The following MARCHF1 variants were observed in gnomAD, a reference collection of about 807,000 sequenced individuals.
The protein encoded by MARCHF1 is E3 ubiquitin-protein ligase MARCHF1.
In MARCHF1, 40 loss-of-function variants were observed where a neutral mutation model predicts 54.2. The observed-to-expected ratio is 0.74, with a 90% CI of 0.57 to 0.96. The LOEUF (loss-of-function observed/expected upper bound fraction) is 0.96. MARCHF1 is among the 40% of genes least tolerant of loss of function. MARCHF1 has a pLI of 0.00. For missense variants in MARCHF1, 586 were observed against 656.5 expected (o/e 0.89, Z 1.17); for synonymous variants, 236 against 236.3 (o/e 1.00, Z 0.01).
intron 4 of MARCHF1, among the ~76,000 whole-genome samples, chr4:163,845,028 AATCT>A (rs781249075): frequency 2.0e-4 from 31 of 152,136 alleles, no homozygotes; most frequent in Non-Finnish European, 2.9e-5. Context: ...CCACTTTTCT[AATCT>A]TTCTGGACCT....
At chr4:163,679,991 T>G (rs1025667540) in intron 5 of MARCHF1, among the ~76,000 whole-genome samples, 8 of 151,538 alleles carry the variant, frequency 5.3e-5, no homozygotes, top group Admixed American at 6.6e-5. Flanking sequence ...TTTTTTTTTT[T>G]TTTTCTTTTC....
At chr4:164,305,785 G>A (rs1008094423) in intron 1 of MARCHF1, among the ~76,000 whole-genome samples, 21 of 152,048 alleles carry the variant, frequency 1.4e-4, no homozygotes, top group Admixed American at 1.4e-3. Flanking sequence ...ATAAAGAAAT[G>A]ACAAATGTTC....
At chr4:163,792,145 T>A (rs765316020) in intron 4 of MARCHF1, among the ~76,000 whole-genome samples, 1 of 152,192 alleles carries the variant, frequency 6.6e-6, no homozygotes, top group Non-Finnish European at 1.5e-5. Context: ...CACCAAGGCC[T>A]TTAGATCAAC....
At chr4:164,367,123 C>A (rs928251765) in intron 1 of MARCHF1, among the ~76,000 whole-genome samples, 1 of 152,074 alleles carries the variant, frequency 6.6e-6, no homozygotes, top group African/African-American at 2.4e-5. Flanking sequence ...AAACCATTGC[C>A]ATACAAGTAT....
intron 4 of MARCHF1, among the ~76,000 whole-genome samples, chr4:163,811,539 C>A (rs1222699422): frequency 6.6e-6 from 1 of 151,590 alleles, no homozygotes; most frequent in African/African-American, 2.4e-5. Flanking sequence ...AAGAAAAAGA[C>A]CAAAATAGAG....
intron 8 of MARCHF1, among the ~76,000 whole-genome samples, chr4:163,568,013 A>G (rs946561712): frequency 2.0e-5 from 3 of 152,048 alleles, no homozygotes; most frequent in African/African-American, 7.2e-5. Flanking sequence ...CCATCTTTTT[A>G]TATAATGGTC....
At chr4:163,706,111 T>TA (rs1744941308) in intron 4 of MARCHF1, among the ~76,000 whole-genome samples, 1 of 152,090 alleles carries the variant, frequency 6.6e-6, no homozygotes, top group Non-Finnish European at 1.5e-5. Context: ...CCTTTGGTTA[T>TA]AGGTTGCCTA....
chr4:164,028,987 G>T (rs550634895), intron 2 of MARCHF1, among the ~76,000 whole-genome samples: 17 of 152,220 alleles, frequency 1.1e-4, no homozygotes, highest in East Asian at 5.8e-4. Flanking sequence ...TATATTTATT[G>T]TTGCTTAAAT....
At chr4:163,922,562 C>T (rs1253062220) in intron 3 of MARCHF1, among the ~76,000 whole-genome samples, 1 of 152,148 alleles carries the variant, frequency 6.6e-6, no homozygotes, top group Non-Finnish European at 1.5e-5. Flanking sequence ...ATCTGTTACT[C>T]ACATACAGCT....
intron 5 of MARCHF1, among the ~76,000 whole-genome samples, chr4:163,644,409 T>C (rs1330974577): frequency 2.0e-5 from 3 of 152,142 alleles, no homozygotes; most frequent in East Asian, 1.9e-4. Context: ...TCAATCTTGA[T>C]TGTGGACAAC....
chr4:164,335,346 G>T (rs1257343899), intron 1 of MARCHF1, among the ~76,000 whole-genome samples: 2 of 152,154 alleles, frequency 1.3e-5, no homozygotes, highest in Non-Finnish European at 2.9e-5. Flanking sequence ...ACTTTGGGAG[G>T]CTGAGGTGGG....
At chr4:163,966,769 G>A (rs764230120) in intron 3 of MARCHF1, among the ~76,000 whole-genome samples, 4 of 152,076 alleles carry the variant, frequency 2.6e-5, no homozygotes, top group African/African-American at 7.2e-5. Context: ...ACAGCTCTCC[G>A]GTAGCACAGC....
chr4:164,023,089 C>T (rs1753697621), intron 2 of MARCHF1, among the ~76,000 whole-genome samples: 1 of 151,806 alleles, frequency 6.6e-6, no homozygotes, highest in Non-Finnish European at 1.5e-5. Context: ...GGGAAAAAGG[C>T]CCCGCTCTCA....
At chr4:164,235,209 C>T (rs1244571080) in intron 1 of MARCHF1, among the ~76,000 whole-genome samples, 2 of 152,060 alleles carry the variant, frequency 1.3e-5, no homozygotes, top group Non-Finnish European at 2.9e-5. Flanking sequence ...TGTAGTTACA[C>T]ACAAGGACTA....
chr4:163,783,436 C>G (rs1206205702), intron 4 of MARCHF1, among the ~76,000 whole-genome samples: 1 of 152,144 alleles, frequency 6.6e-6, no homozygotes, highest in Admixed American at 6.5e-5. Context: ...CTTCCAGAAC[C>G]ATACCACAAA....
intron 4 of MARCHF1, among the ~76,000 whole-genome samples, chr4:163,776,364 A>G (rs1458336763): frequency 6.6e-6 from 1 of 150,762 alleles, no homozygotes; most frequent in East Asian, 1.9e-4. Flanking sequence ...TTCTCTCTAT[A>G]TATAATTTAA....
intron 5 of MARCHF1, among the ~76,000 whole-genome samples, chr4:163,616,942 A>C (rs1409216518): frequency 1.3e-5 from 2 of 152,146 alleles, no homozygotes; most frequent in Admixed American, 6.6e-5. Flanking sequence ...CCAGTTCGTC[A>C]AAGAGATATG....
intron 4 of MARCHF1, among the ~76,000 whole-genome samples, chr4:163,703,931 T>C (rs1291728387): frequency 1.3e-5 from 2 of 152,018 alleles, no homozygotes; most frequent in Non-Finnish European, 2.9e-5. Context: ...TTACCAAGTT[T>C]TGTTTTAACG....
At chr4:163,837,409 A>G (rs1749218732) in intron 4 of MARCHF1, among the ~76,000 whole-genome samples, 2 of 152,206 alleles carry the variant, frequency 1.3e-5, no homozygotes, top group African/African-American at 4.8e-5. Flanking sequence ...GTGCTAATTT[A>G]ACATGTACAA....
Sources: gnomAD v4.1 joint callset for allele counts (sites outside exome capture counted in the v4.1 genomes callset) on GRCh38, gnomAD v4.1.1 for gene constraint, MANE v1.5 for transcripts, NCBI Gene and HGNC (gene_info 2026-07-23, HGNC 2026-07-21) for gene names.